DPYD: variants seen among roughly 807,000 people sequenced by gnomAD.
DPYD encodes dihydropyrimidine dehydrogenase [NADP(+)].
A neutral mutation model predicts 116.2 loss-of-function variants in DPYD; 109 were observed. The ratio of observed to expected loss-of-function variants is 0.94; its 90% confidence interval spans 0.80 to 1.10. The LOEUF is 1.10. DPYD is among the 50% of genes least tolerant of loss of function. DPYD has a pLI of 0.00. For missense variants in DPYD, 1,302 were observed against 1,254.5 expected (o/e 1.04, Z -0.57); for synonymous variants, 440 against 432.0 (o/e 1.02, Z -0.23).
intron 11 of DPYD, among the ~76,000 whole-genome samples, chr1:97,550,428 G>A (rs1178458033): frequency 1.3e-5 from 2 of 152,018 alleles, no homozygotes; most frequent in East Asian, 3.9e-4. Flanking sequence ...GCATTCTAAT[G>A]AATCTAAAAG....
At chr1:97,401,445 C>A (rs925960492) in intron 14 of DPYD, among the ~76,000 whole-genome samples, 1 of 152,104 alleles carries the variant, frequency 6.6e-6, no homozygotes, top group African/African-American at 2.4e-5. Context: ...TCCTGAGTAG[C>A]TGGGATTCCA....
intron 8 of DPYD, among the ~76,000 whole-genome samples, chr1:97,669,060 T>C (rs1455782040): frequency 6.6e-6 from 1 of 151,824 alleles, no homozygotes; most frequent in African/African-American, 2.4e-5. Flanking sequence ...AATGAACATC[T>C]GTTAACTTTC....
At chr1:97,105,049 T>G (rs1363014895) in intron 20 of DPYD, among the ~76,000 whole-genome samples, 1 of 152,108 alleles carries the variant, frequency 6.6e-6, no homozygotes, top group African/African-American at 2.4e-5. Flanking sequence ...TCAAAGGAAC[T>G]CAGATAAGAA....
At chr1:97,360,872 C>A (rs967763995) in intron 16 of DPYD, among the ~76,000 whole-genome samples, 2 of 152,064 alleles carry the variant, frequency 1.3e-5, no homozygotes, top group African/African-American at 2.4e-5. Flanking sequence ...AAAACTGACA[C>A]CCTAATATCA....
intron 2 of DPYD, among the ~76,000 whole-genome samples, chr1:97,854,700 T>A (rs1399734916): frequency 6.6e-6 from 1 of 152,210 alleles, no homozygotes; most frequent in African/African-American, 2.4e-5. Context: ...ATTAGTGAAG[T>A]AAGTTGAAAC....
chr1:97,750,072 A>G (rs1402978323), intron 3 of DPYD, among the ~76,000 whole-genome samples: 1 of 152,128 alleles, frequency 6.6e-6, no homozygotes, highest in Non-Finnish European at 1.5e-5. Flanking sequence ...TGTTTATCTT[A>G]ATTTCAATGA....
intron 19 of DPYD, 38 bp from the exon 20 acceptor site, chr1:97,193,286 A>G: frequency 6.3e-7 from 1 of 1,592,598 alleles, no homozygotes. Flanking sequence ...TGTCAAACCA[A>G]GAGATAATTC....
At chr1:97,700,675 C>A (rs138580168) in intron 5 of DPYD, among the ~76,000 whole-genome samples, 53 of 151,756 alleles carry the variant, frequency 3.5e-4, no homozygotes, top group African/African-American at 1.3e-3. Flanking sequence ...TTTAAAAGTC[C>A]AAGCCTGCAA....
At chr1:97,143,675 T>C (rs1403839019) in intron 20 of DPYD, among the ~76,000 whole-genome samples, 1 of 152,178 alleles carries the variant, frequency 6.6e-6, no homozygotes, top group African/African-American at 2.4e-5. Context: ...AAAATAGCTC[T>C]GAGTCACAAG....
chr1:97,640,499 G>C (rs1175503813), intron 8 of DPYD, among the ~76,000 whole-genome samples: 1 of 151,938 alleles, frequency 6.6e-6, no homozygotes, highest in Non-Finnish European at 1.5e-5. Context: ...AGTAGAGGTG[G>C]GGTTTCACCA....
rs556719263 is a variant in DPYD, at chr1:97,708,011, G to A, written c.484-8464C>T. 1.3e-3 allele frequency among the ~76,000 whole-genome samples: 194 copies of A among 151,874 alleles called. 2 individuals are homozygous for A. Among genetic ancestry groups the A allele is most frequent in the Non-Finnish European group, 2.3e-3 (154 of 67,922 alleles). On this transcript the variant is annotated intron_variant, in intron 5 of 22. Transcript: ENST00000370192. ...GAGTAGAAGTTTTAATTTTGTTTCT[G>A]TGTTTGTTTTGAGATGAGAGTCTCA...
chr1:97,389,202 G>T (rs1372444528), intron 14 of DPYD, among the ~76,000 whole-genome samples: 1 of 151,760 alleles, frequency 6.6e-6, no homozygotes, highest in East Asian at 1.9e-4. Flanking sequence ...CAGCTACTCA[G>T]GAGGCTGAGG....
intron 14 of DPYD, among the ~76,000 whole-genome samples, chr1:97,406,200 T>C (rs1673645710): frequency 6.6e-6 from 1 of 151,848 alleles, no homozygotes; most frequent in South Asian, 2.1e-4. Flanking sequence ...CTCTCTAACC[T>C]TGGCGTAGCA....
At chr1:97,885,335 C>T (rs889171934) in intron 1 of DPYD, among the ~76,000 whole-genome samples, 1 of 151,970 alleles carries the variant, frequency 6.6e-6, no homozygotes, top group African/African-American at 2.4e-5. Context: ...TAACAACAGA[C>T]ACAAGCTAAA....
chr1:97,324,492 T>C (rs1008138419), intron 16 of DPYD, among the ~76,000 whole-genome samples: 7 of 152,062 alleles, frequency 4.6e-5, no homozygotes, highest in African/African-American at 1.4e-4. Context: ...AAATACTGCT[T>C]CTGTTTACTT....
intron 20 of DPYD, among the ~76,000 whole-genome samples, chr1:97,100,493 T>G (rs1650590201): frequency 6.6e-6 from 1 of 152,050 alleles, no homozygotes; most frequent in African/African-American, 2.4e-5. Flanking sequence ...TGACCTCTGG[T>G]TCTAGCAGAT....
At chr1:97,902,525 T>G (rs1235613060) in intron 1 of DPYD, among the ~76,000 whole-genome samples, 1 of 151,838 alleles carries the variant, frequency 6.6e-6, no homozygotes, top group Non-Finnish European at 1.5e-5. Flanking sequence ...TGCCCACATG[T>G]CAAGTAATTC....
chr1:97,733,649 T>G (rs1663760541), intron 4 of DPYD, among the ~76,000 whole-genome samples: 2 of 152,072 alleles, frequency 1.3e-5, no homozygotes, highest in South Asian at 4.1e-4. Flanking sequence ...AATGCTATAA[T>G]TGCTTTAAAT....
chr1:97,723,508 G>A (rs1390074220), intron 4 of DPYD, among the ~76,000 whole-genome samples: 1 of 151,428 alleles, frequency 6.6e-6, no homozygotes, highest in South Asian at 2.1e-4. Context: ...TAAGCTGGAG[G>A]ACATATAGCT....
Sources: allele counts gnomAD v4.1 joint callset (sites outside exome capture counted in the v4.1 genomes callset), GRCh38; gene constraint gnomAD v4.1.1; transcripts MANE v1.5; gene names NCBI Gene and HGNC (gene_info 2026-07-23, HGNC 2026-07-21).